FAM53A: variants seen among roughly 807,000 people sequenced by gnomAD.
FAM53A encodes the protein protein FAM53A.
Under a neutral mutation model 26.6 loss-of-function variants are expected in FAM53A, and 28 were observed. That is an observed-to-expected ratio of 1.05 (90% CI 0.78 to 1.45). FAM53A has a LOEUF of 1.45. Ranked by LOEUF, FAM53A falls within the 40% of genes most tolerant of loss-of-function variation. The pLI is 0.00. For missense variants in FAM53A, 650 were observed against 575.8 expected, an observed-to-expected ratio of 1.13 and a Z score of -1.32; for synonymous variants, 290 against 253.1, an observed-to-expected ratio of 1.15 and a Z score of -1.38.
exon 2 of FAM53A, chr4:1,618,064 C>T (rs749071995): frequency 1.1e-4 from 51 of 456,242 alleles, no homozygotes; most frequent in Non-Finnish European, 3.1e-5. Context: ...GATGGAGGGC[C>T]GTGCTATGTC....
chr4:1,579,298 G>A, the FAM53A span, among the ~76,000 whole-genome samples: 1 of 150,562 alleles, frequency 6.6e-6, no homozygotes, highest in Non-Finnish European at 1.5e-5. Context: ...TGGTGGCCTC[G>A]GCTGGGCCCT....
Position 1,655,435 on chromosome 4 carries a change from G to T in FAM53A, c.425C>A (p.Ser142Tyr). 1.3e-6 allele frequency: 2 copies of T among 1,513,902 alleles called. No homozygotes were observed. Among genetic ancestry groups the T allele is most frequent in the Non-Finnish European group, 1.8e-6 (2 of 1,131,322 alleles). The allele number at this position is 1,513,902 out of a possible 1,614,324, so 93.8% of individuals were successfully genotyped here. ...CTTGGAGACTGGAGTCCAGACCTTGGAGCTGCCGGGGCGCCAGGGGGACCG... is the reference window on the plus strand; with the variant it reads ...CTTGGAGACTGGAGTCCAGACCTTGTAGCTGCCGGGGCGCCAGGGGGACCG... The part of the protein sequence containing the change: ...RCRSPWRPGS[S>Y]KVWTPVSKRR... The change falls in exon 4 of 5, where the codon TCC (serine) becomes TAC (tyrosine). Residue 142 changes from serine to tyrosine, a missense_variant. Coordinates refer to ENST00000308132, the MANE Select transcript of FAM53A (RefSeq NM_001174070.3).
the FAM53A span, among the ~76,000 whole-genome samples, chr4:1,588,679 A>C: frequency 3.9e-5 from 6 of 152,218 alleles, no homozygotes; most frequent in African/African-American, 1.4e-4. Context: ...TCCAGCCAGC[A>C]CTTCAATCTC....
chr4:1,609,841 T>G, the FAM53A span, among the ~76,000 whole-genome samples: 33 of 152,168 alleles, frequency 2.2e-4, no homozygotes, highest in South Asian at 6.9e-3. Context: ...CAGGCGCCTG[T>G]AATCCCAGCT....
At chr4:1,672,230 AACCCAGGAACGCACGG>A (rs1314216677) in intron 1 of FAM53A, among the ~76,000 whole-genome samples, 2 of 128,566 alleles carry the variant, frequency 1.6e-5, no homozygotes, top group East Asian at 2.0e-4. Flanking sequence ...GGAACCCATG[AACCCAGGAACGCACGG>A]ACCCAGGGAC....
chr4:1,666,425 T>G (rs967546924), intron 2 of FAM53A, among the ~76,000 whole-genome samples: 2 of 148,434 alleles, frequency 1.3e-5, no homozygotes, highest in African/African-American at 5.0e-5. Flanking sequence ...CCCCTGTATC[T>G]AAAATAAAAG....
the FAM53A span, among the ~76,000 whole-genome samples, chr4:1,596,638 C>A: frequency 6.6e-6 from 1 of 152,228 alleles, no homozygotes; most frequent in Non-Finnish European, 1.5e-5. Context: ...CAGGGACTGG[C>A]TCTTTCACTC....
chr4:1,599,376 G>A, the FAM53A span, among the ~76,000 whole-genome samples: 1 of 152,222 alleles, frequency 6.6e-6, no homozygotes, highest in African/African-American at 2.4e-5. This position sits in a 1 kb window ranked among gnomAD's most constrained non-coding sequence, Gnocchi z 6.1. Flanking sequence ...GGAGCCCATC[G>A]GGGGCAGGGC....
the FAM53A span, among the ~76,000 whole-genome samples, chr4:1,594,908 C>A: frequency 6.6e-6 from 1 of 152,212 alleles, no homozygotes; most frequent in Non-Finnish European, 1.5e-5. Context: ...ATATACATTG[C>A]CGCCAGGAAG....
At chr4:1,593,343 GC>G in the FAM53A span, among the ~76,000 whole-genome samples, 2 of 152,082 alleles carry the variant, frequency 1.3e-5, no homozygotes, top group African/African-American at 4.8e-5. Context: ...CTGGACCGCG[GC>G]CCGGAGCCAC....
chr4:1,620,064 C>T (rs1335346721), intron 1 of FAM53A, among the ~76,000 whole-genome samples: 1 of 151,976 alleles, frequency 6.6e-6, no homozygotes, highest in African/African-American at 2.4e-5. Flanking sequence ...AAAAATTAGC[C>T]GGGCGTGGTG....
At chr4:1,607,063 G>GGCTCTCA in the FAM53A span, among the ~76,000 whole-genome samples, 15 of 152,202 alleles carry the variant, frequency 9.9e-5, no homozygotes, top group Non-Finnish European at 1.5e-4. Flanking sequence ...CTATCACCCA[G>GGCTCTCA]GCTGGAGTGC....
intron 1 of FAM53A, among the ~76,000 whole-genome samples, chr4:1,682,804 A>G (rs1207213439): frequency 6.6e-6 from 1 of 152,244 alleles, no homozygotes; most frequent in Non-Finnish European, 1.5e-5. Flanking sequence ...AAAAAGAAAA[A>G]ATTACTTTGG....
the FAM53A span, among the ~76,000 whole-genome samples, chr4:1,599,900 C>T: frequency 6.6e-6 from 1 of 152,114 alleles, no homozygotes; most frequent in African/African-American, 2.4e-5. This position sits in a 1 kb window ranked among gnomAD's most constrained non-coding sequence, Gnocchi z 6.1. Context: ...CTGTGGCGGT[C>T]CCTTGGGGTA....
At chr4:1,593,669 T>A in the FAM53A span, among the ~76,000 whole-genome samples, 4 of 152,006 alleles carry the variant, frequency 2.6e-5, no homozygotes, top group Non-Finnish European at 4.4e-5. Context: ...ATAGACAGGG[T>A]AATTGCAGAG....
chr4:1,667,521 C>T (rs1007903784), intron 2 of FAM53A, among the ~76,000 whole-genome samples: 2 of 152,116 alleles, frequency 1.3e-5, no homozygotes, highest in African/African-American at 4.8e-5. Context: ...ACAAGCAGTG[C>T]TTGCGAAGGT....
chr4:1,640,613 G>A lies in FAM53A; in HGVS notation c.*680C>T. Reference sequence around the variant, plus strand: ...TACGCCTTAATGTTCCAAGCAACACGAAACCTACTCTGTGCCCCAGGGCAG... The same window carrying A: ...TACGCCTTAATGTTCCAAGCAACACAAAACCTACTCTGTGCCCCAGGGCAG... On this transcript the variant is annotated 3_prime_UTR_variant, in exon 5 of 5. Coordinates refer to ENST00000308132, the MANE Select transcript of FAM53A (RefSeq NM_001174070.3). 2 of 374,216 alleles carry A rather than the reference G, an allele frequency of 5.3e-6. No homozygotes were observed. The highest frequency in any genetic ancestry group is 4.1e-5 in the South Asian group (2 of 48,378). 23.2% of individuals were successfully genotyped at this position (374,216 alleles called of 1,614,324 possible).
intron 1 of FAM53A, among the ~76,000 whole-genome samples, chr4:1,669,292 C>T (rs79921124): frequency 3.9e-4 from 60 of 152,370 alleles, no homozygotes; most frequent in Non-Finnish European, 7.3e-4. Flanking sequence ...CCCCCTTCTG[C>T]TCCAAGTGGC....
At chr4:1,574,378 C>T in the FAM53A span, 19,688 of 152,488 alleles carry the variant, frequency 0.13, 1,747 homozygotes, top group African/African-American at 0.25. Context: ...GTCTCAGGGC[C>T]GGACTGGTGC....
Sources: gnomAD v4.1 joint callset for allele counts (sites outside exome capture counted in the v4.1 genomes callset) on GRCh38, gnomAD v4.1.1 for gene constraint, Gnocchi (gnomAD v3.1) non-coding constraint, MANE v1.5 for transcripts, NCBI Gene and HGNC (gene_info 2026-07-23, HGNC 2026-07-21) for gene names.